Variants in ANO1 observed in about 807,000 individuals in gnomAD.
The protein encoded by ANO1 is anoctamin-1.
In ANO1, 59 loss-of-function variants were observed where a neutral mutation model predicts 124.0. The ratio of observed to expected loss-of-function variants is 0.48; its 90% CI spans 0.39 to 0.59. The LOEUF is 0.59. Among genes scored for constraint, ANO1 ranks in the 20% least tolerant of loss-of-function variants. The pLI is 0.00. For missense variants in ANO1, 1,059 were observed against 1,328.0 expected, an observed-to-expected ratio of 0.80 and a Z score of 3.15; for synonymous variants, 529 against 532.0, an observed-to-expected ratio of 0.99 and a Z score of 0.08.
At chr11:70,181,807 A>G (rs7127129) in intron 23 of ANO1, among the ~76,000 whole-genome samples, 50,587 of 151,876 alleles carry the variant, frequency 0.33, 9,251 homozygotes, top group East Asian at 0.53. Context: ...GTAGCAGGAA[A>G]CATTCACGAG....
At chr11:70,010,404 G>C (rs1341892819) in intron 1 of ANO1, among the ~76,000 whole-genome samples, 1 of 151,420 alleles carries the variant, frequency 6.6e-6, no homozygotes, top group African/African-American at 2.4e-5. Context: ...GAAATGACTA[G>C]AGTGAAAGCT....
chr11:70,157,105 G>A lies in ANO1; in HGVS notation c.1578+84G>A, dbSNP rs1025168020. On this transcript the variant is annotated intron_variant, in intron 16 of 25. Transcript: ENST00000355303. ...GCTTCAGCCGGGCGTGGTGGTTCAC[G>A]ACTGTAATCCCAGCACTTTGGGAGG... 46 of 1,285,468 alleles carry A rather than the reference G, an allele frequency of 3.6e-5. No homozygotes were observed. In the African/African-American group the frequency reaches 5.9e-4, roughly 16 times the overall value. The allele number at this position is 1,285,468 out of a possible 1,614,324, so 79.6% of individuals were successfully genotyped here.
intron 2 of ANO1, among the ~76,000 whole-genome samples, chr11:70,098,635 C>A (rs1393814893): frequency 6.6e-6 from 1 of 152,182 alleles, no homozygotes; most frequent in East Asian, 1.9e-4. Context: ...AAGCCAAGGG[C>A]AACCCGAAAA....
At chr11:70,161,404 A>T (rs1590889439) in intron 17 of ANO1, 42 bp downstream of exon 17, 1 of 1,595,232 alleles carries the variant, frequency 6.3e-7, no homozygotes, top group African/African-American at 1.3e-5. Flanking sequence ...GGACTCAGGC[A>T]GCTGGAGTCG....
At chr11:70,108,639 C>T (rs925730212) in intron 6 of ANO1, among the ~76,000 whole-genome samples, 1 of 152,124 alleles carries the variant, frequency 6.6e-6, no homozygotes, top group Non-Finnish European at 1.5e-5. Context: ...GGTTTGTGAG[C>T]GTGTGGACAG....
chr11:70,007,064 ACT>A (rs1555000206), intron 1 of ANO1, among the ~76,000 whole-genome samples: 1 of 151,886 alleles, frequency 6.6e-6, no homozygotes, highest in African/African-American at 2.4e-5. Flanking sequence ...GCATACTGAA[ACT>A]CTGTACCCAT....
intron 11 of ANO1, among the ~76,000 whole-genome samples, chr11:70,134,396 T>C (rs1020550181): frequency 3.9e-5 from 6 of 152,198 alleles, no homozygotes; most frequent in African/African-American, 1.2e-4. Flanking sequence ...TACATTTCTA[T>C]AGCGCCCCCG....
intron 19 of ANO1, 40 bp from the exon 20 acceptor site, chr11:70,165,430 G>T (rs2048217669): frequency 6.5e-7 from 1 of 1,542,524 alleles, no homozygotes; most frequent in Admixed American, 1.8e-5. Context: ...CCCTCTCTCG[G>T]TGTCCCTGTA....
intron 1 of ANO1, among the ~76,000 whole-genome samples, chr11:70,065,579 C>T (rs1301560793): frequency 6.6e-6 from 1 of 151,408 alleles, no homozygotes; most frequent in Non-Finnish European, 1.5e-5. Context: ...TGTCCCCCGT[C>T]GTCCCTCTAG....
chr11:70,164,446 T>C (rs1314913712), intron 19 of ANO1, among the ~76,000 whole-genome samples: 2 of 152,188 alleles, frequency 1.3e-5, no homozygotes, highest in African/African-American at 4.8e-5. Flanking sequence ...TCTGAAATGC[T>C]CTTTCCTTTT....
intron 1 of ANO1, among the ~76,000 whole-genome samples, chr11:70,000,184 T>G (rs1272646885): frequency 6.6e-6 from 1 of 151,956 alleles, no homozygotes; most frequent in Non-Finnish European, 1.5e-5. Flanking sequence ...GGAAAAAAAA[T>G]GAACGGAGAG....
At chr11:70,047,194 G>C (rs539948435) in intron 1 of ANO1, among the ~76,000 whole-genome samples, 1 of 151,996 alleles carries the variant, frequency 6.6e-6, no homozygotes, top group Non-Finnish European at 1.5e-5. Flanking sequence ...TGAGTATAAG[G>C]CTTTAATAAT....
chr11:70,050,585 G>T (rs1366654782), intron 1 of ANO1, among the ~76,000 whole-genome samples: 2 of 152,024 alleles, frequency 1.3e-5, no homozygotes, highest in African/African-American at 4.8e-5. Context: ...CCACTGTTGG[G>T]GGCCCCAACC....
chr11:70,135,007 T>C (rs1188078750), intron 11 of ANO1, among the ~76,000 whole-genome samples: 1 of 152,154 alleles, frequency 6.6e-6, no homozygotes, highest in Non-Finnish European at 1.5e-5. Flanking sequence ...TCAAAGATGC[T>C]TTCCTGTCTT....
intron 24 of ANO1, among the ~76,000 whole-genome samples, chr11:70,183,151 A>T (rs1249843795): frequency 6.6e-6 from 1 of 152,078 alleles, no homozygotes; most frequent in Non-Finnish European, 1.5e-5. Context: ...ATTAGAGGTG[A>T]TTTACCAGTT....
At chr11:70,138,071 G>A (rs1315909788) in intron 11 of ANO1, among the ~76,000 whole-genome samples, 5 of 147,552 alleles carry the variant, frequency 3.4e-5, no homozygotes, top group African/African-American at 4.8e-5. Flanking sequence ...CTGGCTGGGC[G>A]CGGTGGTTCA....
chr11:69,989,746 T>G (rs1856118348), intron 1 of ANO1, among the ~76,000 whole-genome samples: 2 of 152,096 alleles, frequency 1.3e-5, no homozygotes, highest in Non-Finnish European at 2.9e-5. Flanking sequence ...GCTCTTGCAA[T>G]AATCCAGGTG....
chr11:70,122,085 CTCT>C (rs2046308664), intron 8 of ANO1, among the ~76,000 whole-genome samples: 1 of 124,312 alleles, frequency 8.0e-6, no homozygotes, highest in Non-Finnish European at 1.7e-5. Context: ...GTCTCTCTCT[CTCT>C]CCGTCTCCCC....
chr11:70,064,874 T>C (rs1317951513), intron 1 of ANO1: 1 of 152,154 alleles, frequency 6.6e-6, no homozygotes, highest in Non-Finnish European at 1.5e-5. Context: ...CTCGGGGCCA[T>C]CACAGAAGAA....
Sources: gnomAD v4.1 joint callset for allele counts (sites outside exome capture counted in the v4.1 genomes callset) on GRCh38, gnomAD v4.1.1 for gene constraint, MANE v1.5 for transcripts, NCBI Gene and HGNC (gene_info 2026-07-23, HGNC 2026-07-21) for gene names.